Variants in HECTD4 observed in about 807,000 individuals in gnomAD.
The protein encoded by HECTD4 is probable E3 ubiquitin-protein ligase HECTD4.
HECTD4 carries 114 observed loss-of-function variants against 471.5 expected under a neutral mutation model. The ratio of observed to expected loss-of-function variants is 0.24; its 90% CI spans 0.21 to 0.28. The LOEUF (loss-of-function observed/expected upper bound fraction) is 0.28, where lower values mean the gene tolerates loss of function less well. Ranked by LOEUF, HECTD4 falls within the 10% of genes least tolerant of loss-of-function variation. The pLI is 1.00. For synonymous variants in HECTD4, 2,012 were observed against 2,256.0 expected (o/e 0.89, Z 3.07); for missense variants, 3,866 against 5,651.5 (o/e 0.68, Z 10.13).
chr12:112,251,006 G>A lies in HECTD4; in HGVS notation c.3681C>T (p.Ala1227=). Residue 1227 remains alanine (A), a synonymous_variant, in exon 24 of 76, where the codon GCC becomes GCT. Coordinates refer to ENST00000682272, the MANE Select transcript of HECTD4 (RefSeq NM_001388303.1). Reference sequence around the variant, plus strand: ...GTTTGGACCGCAATAGCTCCTGACAGGCTTCTTCTTCTTTGGTAATTTCTG... The same window carrying A: ...GTTTGGACCGCAATAGCTCCTGACAAGCTTCTTCTTCTTTGGTAATTTCTG... The part of the protein sequence containing the change: ...NGPEITKEEE[A]CQELLRSKLL... 1.2e-6 allele frequency: 2 copies of A among 1,613,642 alleles called. No homozygotes were observed. The highest frequency in any genetic ancestry group is 1.7e-4 in the Middle Eastern group (1 of 6,060).
Position 112,183,097 on chromosome 12 carries a change from G to T in HECTD4, c.10949C>A (p.Pro3650Gln), listed in dbSNP as rs770279609. ...NQSLFDTQGS[P>Q]GLEDYFNDKS... is the part of the protein sequence containing the mutation. ...ATCATTGAAATAATCTTCTAACCCT[G>T]GGCTCCCTTGAGTATCAAAGAGACT... Residue 3650 changes from proline to glutamine, a missense_variant, in exon 62 of 76, where the codon CCA (proline) becomes CAA (glutamine). Pro to Gln is a moderately conservative substitution (Grantham distance 76, BLOSUM62 -1). Coordinates refer to ENST00000682272, the MANE Select transcript of HECTD4 (RefSeq NM_001388303.1). 1 of 1,613,392 alleles carries T rather than the reference G, an allele frequency of 6.2e-7. No homozygotes were observed. The highest frequency in any genetic ancestry group is 8.5e-7 in the Non-Finnish European group (1 of 1,179,502).
chr12:112,357,356 G>T (rs1014468583), intron 1 of HECTD4, among the ~76,000 whole-genome samples: 1 of 152,196 alleles, frequency 6.6e-6, no homozygotes, highest in Non-Finnish European at 1.5e-5. Context: ...ATGTAGCTCA[G>T]TAAGACAGAT....
chr12:112,211,576 TG>T (rs1156959086), intron 49 of HECTD4, among the ~76,000 whole-genome samples: 1 of 149,408 alleles, frequency 6.7e-6, no homozygotes, highest in Non-Finnish European at 1.5e-5. Context: ...GAATGGGGAC[TG>T]GGAGAGGAGT....
rs139536571 is a variant in HECTD4 at position 112,220,369 on chromosome 12, C to T, written c.6971-880G>A. On this transcript the variant is annotated intron_variant, in intron 44 of 75. Coordinates refer to ENST00000682272, the MANE Select transcript of HECTD4 (RefSeq NM_001388303.1). ...CACACGCAGACCACACACAGGCACA[C>T]ACACACAGTAAAGAGCACAGTGCTG... is the stretch of plus-strand genomic sequence containing the variant. Among the ~76,000 whole-genome samples, 809 of 152,128 alleles carry T rather than the reference C, an allele frequency of 5.3e-3. 10 individuals carry two copies. The highest frequency in any genetic ancestry group is 0.018 in the African/African-American group (751 of 41,506).
At chr12:112,294,991 T>C (rs1045387886) in intron 7 of HECTD4, among the ~76,000 whole-genome samples, 1 of 152,068 alleles carries the variant, frequency 6.6e-6, no homozygotes, top group Admixed American at 6.6e-5. Context: ...TTTAATAAGC[T>C]TCTACTGTGT....
intron 1 of HECTD4, among the ~76,000 whole-genome samples, chr12:112,349,637 G>C (rs1309059500): frequency 6.6e-6 from 1 of 151,628 alleles, no homozygotes; most frequent in Non-Finnish European, 1.5e-5. Context: ...GAGAACAGAT[G>C]GCAAAAAAAA....
chr12:112,276,778 G>A (rs188579118), intron 9 of HECTD4, among the ~76,000 whole-genome samples: 1 of 152,156 alleles, frequency 6.6e-6, no homozygotes, highest in East Asian at 1.9e-4. Flanking sequence ...AAAAGACTTT[G>A]GAGGAATAGA....
chr12:112,278,314 A>G (rs561200108), intron 9 of HECTD4, among the ~76,000 whole-genome samples: 1 of 152,272 alleles, frequency 6.6e-6, no homozygotes, highest in South Asian at 2.1e-4. Context: ...TGAATTGTAT[A>G]TTTTAAAGGG....
At chr12:112,264,471 T>G (rs2034222966) in intron 16 of HECTD4, among the ~76,000 whole-genome samples, 1 of 152,182 alleles carries the variant, frequency 6.6e-6, no homozygotes, top group South Asian at 2.1e-4. Context: ...TTAATAATTA[T>G]TCTTCCCCCT....
intron 49 of HECTD4, among the ~76,000 whole-genome samples, 196 bp from the exon 50 acceptor site, chr12:112,210,448 T>C (rs2032729230): frequency 6.6e-6 from 1 of 152,214 alleles, no homozygotes; most frequent in Admixed American, 6.5e-5. Context: ...CCTGCCTCCC[T>C]GTCCCTCACC....
intron 1 of HECTD4, among the ~76,000 whole-genome samples, chr12:112,366,923 C>T (rs889182128): frequency 2.0e-5 from 3 of 149,364 alleles, no homozygotes; most frequent in Non-Finnish European, 3.0e-5. Flanking sequence ...GAAAAAATTG[C>T]TTGTTACTAT....
In HECTD4 at chr12:112,193,325, G is replaced by T; in HGVS notation, c.8956-134C>A. The T allele has an allele frequency of 7.4e-7, 1 of 1,350,922 alleles. No individual in the cohort carries two copies. The highest frequency in any genetic ancestry group is 1.0e-6 in the Non-Finnish European group (1 of 980,000). 83.7% of individuals were successfully genotyped at this position (1,350,922 alleles called of 1,614,324 possible). A position where few individuals can be genotyped will look rare whatever the true frequency, so the allele number is the denominator to read the frequency against. ...CTGGAAGGAAGCAAGCTACAGATGAGATAAAGCAGAAAAGCTTCTAGGAAA... is the reference window on the plus strand; with the variant it reads ...CTGGAAGGAAGCAAGCTACAGATGATATAAAGCAGAAAAGCTTCTAGGAAA... On this transcript the variant is annotated intron_variant, in intron 57 of 75. Coordinates refer to ENST00000682272, the MANE Select transcript of HECTD4 (RefSeq NM_001388303.1). This position sits in a 1 kb window ranked among gnomAD's most constrained non-coding sequence, Gnocchi z 5.2.
intron 55 of HECTD4, among the ~76,000 whole-genome samples, chr12:112,196,137 T>C (rs1418556215): frequency 6.6e-6 from 1 of 152,138 alleles, no homozygotes; most frequent in Non-Finnish European, 1.5e-5. Flanking sequence ...AAGACTCTGT[T>C]TCTAAAACAC....
chr12:112,234,953 G>T, intron 37 of HECTD4, 124 bp downstream of exon 37: 1 of 754,846 alleles, frequency 1.3e-6, no homozygotes, highest in Non-Finnish European at 2.1e-6. Context: ...CAGTGACAGT[G>T]TCTACCTGAA....
chr12:112,339,265 G>A (rs1221606373), intron 1 of HECTD4, among the ~76,000 whole-genome samples: 1 of 148,218 alleles, frequency 6.7e-6, no homozygotes, highest in African/African-American at 2.6e-5. Context: ...ATGAAGTATA[G>A]TGACACATAT....
chr12:112,186,026 C>T (rs567860748), intron 60 of HECTD4, among the ~76,000 whole-genome samples: 1 of 152,286 alleles, frequency 6.6e-6, no homozygotes, highest in South Asian at 2.1e-4. Context: ...TGCTCTGTCA[C>T]CCAGGCTGAA....
chr12:112,231,061 T>C, intron 39 of HECTD4: 1 of 508,110 alleles, frequency 2.0e-6, no homozygotes, highest in Non-Finnish European at 3.5e-6. Context: ...TTATAAGCCA[T>C]GAGGATCAGG....
At position 112,199,533 on chromosome 12, in the gene HECTD4, AG is replaced by A. The variant is rs550253620; in HGVS notation, c.8567+1104del. Among the ~76,000 whole-genome samples, 492 of 152,312 alleles carry A rather than the reference AG, an allele frequency of 3.2e-3. 1 individual carries two copies. The highest frequency in any genetic ancestry group is 5.2e-3 in the Non-Finnish European group (352 of 68,032). On this transcript the variant is annotated intron_variant, in intron 55 of 75. Coordinates refer to ENST00000682272, the MANE Select transcript of HECTD4 (RefSeq NM_001388303.1). ...CTAATGGATGAACAGCATGAAAAATAGTTTCTGGAAATTTTTATTAGAGAAC... is the reference window on the plus strand; with the variant it reads ...CTAATGGATGAACAGCATGAAAAATATTTCTGGAAATTTTTATTAGAGAAC...
In HECTD4 at chr12:112,169,489, G is replaced by A. The variant is rs759490640; in HGVS notation, c.12208+14C>T. 4 of 1,600,098 alleles carry A rather than the reference G, an allele frequency of 2.5e-6. No individual in the cohort carries two copies. The highest frequency in any genetic ancestry group is 1.3e-5 in the African/African-American group (1 of 74,654). On this transcript the variant is annotated intron_variant, in intron 70 of 75. Transcript: ENST00000682272. ...CAGCTCCTCCAGCGTGGAGCCTGGC[G>A]GGCCACCACTTACTGGTGCCATGGA...
Sources: gnomAD v4.1 joint callset for allele counts (sites outside exome capture counted in the v4.1 genomes callset) on GRCh38, gnomAD v4.1.1 for gene constraint, Gnocchi (gnomAD v3.1) non-coding constraint, MANE v1.5 for transcripts, NCBI Gene and HGNC (gene_info 2026-07-23, HGNC 2026-07-21) for gene names.